ACADL: variants seen among roughly 807,000 people sequenced by gnomAD.
ACADL encodes long-chain specific acyl-CoA dehydrogenase, mitochondrial.
Under a neutral mutation model 56.9 loss-of-function variants are expected in ACADL, and 60 were observed. The observed-to-expected ratio is 1.05, with a 90% CI of 0.86 to 1.31. ACADL has a LOEUF of 1.31. Ranked by LOEUF, ACADL falls within the 50% of genes most tolerant of loss-of-function variation. The pLI is 0.00. For missense variants in ACADL, 484 were observed against 525.5 expected (o/e 0.92, Z 0.77); for synonymous variants, 158 against 179.7 (o/e 0.88, Z 0.97).
intron 5 of ACADL, 83 bp from the exon 6 acceptor site, chr2:210,205,879 A>G: frequency 6.5e-7 from 1 of 1,533,694 alleles, no homozygotes; most frequent in South Asian, 1.1e-5. Context: ...AGTATATTAC[A>G]GAAAACTAAA....
At chr2:210,224,135 T>C (rs1034386465) in intron 1 of ACADL, among the ~76,000 whole-genome samples, 1 of 150,412 alleles carries the variant, frequency 6.6e-6, no homozygotes, top group African/African-American at 2.5e-5. Context: ...GGCAGGAGAA[T>C]TGCTTGAACA....
intron 10 of ACADL, among the ~76,000 whole-genome samples, chr2:210,190,202 T>C (rs1230966910): frequency 6.6e-6 from 1 of 152,174 alleles, no homozygotes; most frequent in Non-Finnish European, 1.5e-5. Flanking sequence ...TTTACTGATA[T>C]GATTTACGGT....
chr2:210,224,144 C>T (rs1689226904), intron 1 of ACADL, among the ~76,000 whole-genome samples: 2 of 146,698 alleles, frequency 1.4e-5, no homozygotes, highest in Non-Finnish European at 3.0e-5. Context: ...ATTGCTTGAA[C>T]ACGGGAGGCG....
intron 4 of ACADL, among the ~76,000 whole-genome samples, chr2:210,215,604 C>T (rs1219946614): frequency 6.6e-6 from 1 of 152,132 alleles, no homozygotes; most frequent in African/African-American, 2.4e-5. Context: ...TCTGTGGAAG[C>T]TCTTTCTCCC....
chr2:210,202,952 A>T (rs936076389), intron 8 of ACADL, among the ~76,000 whole-genome samples: 1 of 151,918 alleles, frequency 6.6e-6, no homozygotes, highest in African/African-American at 2.4e-5. Flanking sequence ...CCTTCGTCTT[A>T]TTTTTCCCCT....
intron 6 of ACADL, among the ~76,000 whole-genome samples, chr2:210,205,015 T>G (rs1688860081): frequency 6.6e-6 from 1 of 151,384 alleles, no homozygotes; most frequent in East Asian, 1.9e-4. Context: ...ATTTTCTGGG[T>G]TTTTTTTGTT....
chr2:210,195,096 T>A (rs1428079986), intron 9 of ACADL, 115 bp downstream of exon 9: 1 of 1,395,230 alleles, frequency 7.2e-7, no homozygotes, highest in African/African-American at 1.4e-5. Flanking sequence ...GTCTCACTTT[T>A]ATTTTTCATT....
At chr2:210,218,199 T>C (rs567273607) in intron 2 of ACADL, 97 bp from the exon 3 acceptor site, 1 of 1,237,540 alleles carries the variant, frequency 8.1e-7, no homozygotes, top group East Asian at 2.5e-5. Context: ...AGAAATGCAT[T>C]CTTAATTTAA....
In ACADL at chr2:210,189,042, A is replaced by G; in HGVS notation, c.1212T>C (p.Asp404=). Residue 404 remains aspartate (D), a synonymous_variant, in exon 11 of 11, where the codon GAT becomes GAC. Coordinates refer to ENST00000233710, the MANE Select transcript of ACADL (RefSeq NM_001608.4). ...CACCATAGATTGGCTGAACTCTGGC[A>G]TCCACATAAGCTCTGGATAAATCAG... The part of the protein sequence containing the change: ...WEYPIAKAYV[D]ARVQPIYGGT... The G allele has an allele frequency of 6.2e-7, 1 of 1,610,910 alleles. No individual in the cohort carries two copies.
At chr2:210,206,749 T>G (rs1332334390) in intron 5 of ACADL, among the ~76,000 whole-genome samples, 4 of 152,174 alleles carry the variant, frequency 2.6e-5, no homozygotes, top group Admixed American at 6.5e-5. Flanking sequence ...TGAGTCACCC[T>G]CTACATGCTG....
chr2:210,207,874 A>G (rs1277768910), intron 5 of ACADL, among the ~76,000 whole-genome samples: 1 of 152,172 alleles, frequency 6.6e-6, no homozygotes, highest in Non-Finnish European at 1.5e-5. Context: ...CTATTCATAT[A>G]TCTATCTTAA....
At chr2:210,206,160 G>A (rs1367478872) in intron 5 of ACADL, among the ~76,000 whole-genome samples, 6 of 152,034 alleles carry the variant, frequency 3.9e-5, no homozygotes, top group African/African-American at 7.2e-5. Context: ...AAATCTGGCC[G>A]GGCCCGGTGG....
At position 210,218,105 on chromosome 2, in the gene ACADL, G is replaced by T. The variant is rs751443610; in HGVS notation, c.234-3C>A. The T allele has an allele frequency of 6.2e-7, 1 of 1,612,268 alleles. No homozygotes were observed. Among genetic ancestry groups the T allele is most frequent in the South Asian group, 1.1e-5 (1 of 90,878 alleles). ...TTACTTCTCCAGCTTTCTCCCATCT[G>T]CAAATAACAAATATTTTAAATTCAG... On this transcript the variant is annotated splice_polypyrimidine_tract_variant and splice_region_variant and intron_variant, in intron 2 of 10. Coordinates refer to ENST00000233710, the MANE Select transcript of ACADL (RefSeq NM_001608.4).
chr2:210,205,845 A>C, intron 5 of ACADL, 49 bp from the exon 6 acceptor site: 1 of 1,603,038 alleles, frequency 6.2e-7, no homozygotes, highest in Non-Finnish European at 8.5e-7. Flanking sequence ...ATTCAATTCT[A>C]TGTGCAAGTT....
intron 5 of ACADL, 66 bp from the exon 6 acceptor site, chr2:210,205,862 G>T: frequency 1.3e-6 from 2 of 1,587,648 alleles, no homozygotes; most frequent in Non-Finnish European, 1.7e-6. Context: ...AGTTATGATT[G>T]GGAGAAAGTA....
intron 8 of ACADL, 134 bp downstream of exon 8, chr2:210,203,197 T>C: frequency 1.4e-6 from 1 of 703,550 alleles, no homozygotes; most frequent in South Asian, 1.5e-5. Context: ...CTATCTCTCC[T>C]TAGTGATCTC....
intron 10 of ACADL, among the ~76,000 whole-genome samples, chr2:210,189,625 C>T (rs1688600018): frequency 6.6e-6 from 1 of 151,872 alleles, no homozygotes; most frequent in African/African-American, 2.4e-5. Flanking sequence ...AGTTAAAATA[C>T]TAAGTGGCTG....
intron 1 of ACADL, among the ~76,000 whole-genome samples, chr2:210,223,941 A>G (rs1689220506): frequency 6.6e-6 from 1 of 152,144 alleles, no homozygotes; most frequent in African/African-American, 2.4e-5. Context: ...CCTGTTTAAG[A>G]GCATAAGGGA....
At chr2:210,212,599 G>T (rs1689004648) in intron 4 of ACADL, among the ~76,000 whole-genome samples, 1 of 152,150 alleles carries the variant, frequency 6.6e-6, no homozygotes, top group African/African-American at 2.4e-5. Context: ...CCAAGTCTCT[G>T]CTAATTTGTC....
Sources: gnomAD v4.1 joint callset for allele counts (sites outside exome capture counted in the v4.1 genomes callset) on GRCh38, gnomAD v4.1.1 for gene constraint, MANE v1.5 for transcripts, NCBI Gene and HGNC (gene_info 2026-07-23, HGNC 2026-07-21) for gene names.